CTPS2: variants seen among roughly 807,000 people sequenced by gnomAD.
CTPS2 encodes CTP synthase 2, also known as CTP synthase II.
A neutral mutation model predicts 46.8 loss-of-function variants in CTPS2; 19 were observed. The ratio of observed to expected loss-of-function variants is 0.41; its 90% confidence interval spans 0.28 to 0.60. The LOEUF (loss-of-function observed/expected upper bound fraction) is 0.60, where lower values mean the gene tolerates loss of function less well. Ranked by LOEUF, CTPS2 falls within the 20% of genes least tolerant of loss-of-function variation. The probability of loss-of-function intolerance (pLI) is 0.35; values close to 1 mark genes in which losing one functional copy is unlikely to be tolerated. For missense variants in CTPS2, 286 were observed against 447.6 expected (o/e 0.64, Z 3.26); for synonymous variants, 151 against 165.2 (o/e 0.91, Z 0.66).
intron 15 of CTPS2, among the ~76,000 whole-genome samples, chrX:16,617,647 CA>C (rs1853165680): frequency 8.9e-6 from 1 of 112,238 alleles, no homozygotes; most frequent in South Asian, 3.7e-4. Flanking sequence ...TGACTAACCC[CA>C]ATGCTTTCTT....
intron 10 of CTPS2, among the ~76,000 whole-genome samples, chrX:16,674,721 C>T (rs922719136): frequency 1.9e-5 from 2 of 106,901 alleles, no homozygotes; most frequent in African/African-American, 6.9e-5. Context: ...GCCTGTAGTC[C>T]CAGCTACTCG....
chrX:16,674,715 G>A (rs1432881206), intron 10 of CTPS2, among the ~76,000 whole-genome samples: 4 of 106,976 alleles, frequency 3.7e-5, no homozygotes, highest in African/African-American at 1.0e-4. Context: ...GCAGGCGCCT[G>A]TAGTCCCAGC....
Position 16,691,602 on chromosome X carries a change from T to C in CTPS2, c.658A>G (p.Thr220Ala), listed in dbSNP as rs1205396001. ...SPDLIVCRSS[T>A]PIEMAVKEKI... ...TCCTTCACGGCCATCTCAATGGGCG[T>C]TGAACTTCGGCAGACAATCTGTCAA... Residue 220 changes from threonine to alanine, a missense_variant, in exon 7 of 19, where the codon ACG (threonine) becomes GCG (alanine). By Grantham distance (58) the Thr-to-Ala change is moderately conservative. Transcript: ENST00000359276. 2 of 1,210,154 alleles carry C rather than the reference T, an allele frequency of 1.7e-6. No individual in the cohort carries two copies. Among genetic ancestry groups the C allele is most frequent in the South Asian group, 1.8e-5 (1 of 56,937 alleles).
intron 3 of CTPS2, 84 bp from the exon 4 acceptor site, chrX:16,698,420 G>A (rs1460691025): frequency 1.6e-6 from 1 of 608,598 alleles, no homozygotes; most frequent in Non-Finnish European, 2.6e-6. Flanking sequence ...TCACCTGAAA[G>A]TCACCTGGCA....
intron 17 of CTPS2, among the ~76,000 whole-genome samples, chrX:16,597,002 G>C (rs1432455727): frequency 9.3e-6 from 1 of 107,192 alleles, no homozygotes; most frequent in East Asian, 2.9e-4. Flanking sequence ...CTTTTGAGAA[G>C]TGTCTGTTCA....
chrX:16,660,000 T>C (rs993356831), intron 13 of CTPS2, among the ~76,000 whole-genome samples: 1 of 112,175 alleles, frequency 8.9e-6, no homozygotes, highest in Non-Finnish European at 1.9e-5. Context: ...TTGGCTACTA[T>C]GAATAATGCT....
chrX:16,622,409 C>CAA (rs112857824), intron 14 of CTPS2, among the ~76,000 whole-genome samples: 1 of 81,408 alleles, frequency 1.2e-5, no homozygotes, highest in East Asian at 3.6e-4. Context: ...GATGCTGTCT[C>CAA]AAAAAAAAAA....
intron 8 of CTPS2, among the ~76,000 whole-genome samples, chrX:16,687,122 T>C (rs1346974514): frequency 9.0e-6 from 1 of 110,634 alleles, no homozygotes; most frequent in Middle Eastern, 4.2e-3. Context: ...AAATTCCTGT[T>C]GTGTTTTTTT....
In CTPS2 at chrX:16,657,310, C is replaced by T. The variant is rs186977502; in HGVS notation, c.1296+10204G>A. ...ACTCTCCGAGGTGGGCAAAGGAACA[C>T]GTACCCATGCTCCCACCTCATCTAC... On this transcript the variant is annotated intron_variant, in intron 13 of 18. Coordinates refer to ENST00000359276, the MANE Select transcript of CTPS2 (RefSeq NM_175859.3). 1.2e-3 allele frequency among the ~76,000 whole-genome samples: 127 copies of T among 105,424 alleles called. 1 individual carries two copies. Among genetic ancestry groups the T allele is most frequent in the African/African-American group, 3.8e-3 (109 of 28,494 alleles). 91.5% of individuals were successfully genotyped at this position (105,424 alleles called of 115,157 possible).
At chrX:16,648,383 A>T (rs1394819416) in intron 13 of CTPS2, among the ~76,000 whole-genome samples, 1 of 112,004 alleles carries the variant, frequency 8.9e-6, no homozygotes, top group African/African-American at 3.2e-5. Context: ...AAGAGAAAGC[A>T]AATGTGGAGA....
intron 1 of CTPS2, among the ~76,000 whole-genome samples, chrX:16,708,748 C>T (rs1378741767): frequency 9.0e-6 from 1 of 111,437 alleles, no homozygotes; most frequent in African/African-American, 3.3e-5. Flanking sequence ...TCAAATGACT[C>T]TCTTTGTAAA....
intron 13 of CTPS2, among the ~76,000 whole-genome samples, chrX:16,650,580 C>T (rs1274109012): frequency 1.0e-5 from 1 of 96,575 alleles, no homozygotes. Flanking sequence ...GCAGTGGCAT[C>T]GCACTCACTG....
intron 8 of CTPS2, among the ~76,000 whole-genome samples, chrX:16,686,357 C>T (rs189386179): frequency 1.8e-5 from 2 of 111,589 alleles, no homozygotes; most frequent in East Asian, 5.6e-4. Flanking sequence ...ATATATACAC[C>T]TACTATGTAC....
intron 13 of CTPS2, among the ~76,000 whole-genome samples, chrX:16,653,001 T>C (rs1045356331): frequency 1.8e-5 from 2 of 111,564 alleles, no homozygotes; most frequent in Non-Finnish European, 3.8e-5. Context: ...TCCATAGAGA[T>C]GTGCTGCACA....
chrX:16,608,803 T>C (rs1436721448), intron 17 of CTPS2, among the ~76,000 whole-genome samples: 1 of 111,395 alleles, frequency 9.0e-6, no homozygotes, highest in Admixed American at 9.6e-5. Flanking sequence ...ACTCAACTCG[T>C]TGACAATTTG....
intron 11 of CTPS2, 52 bp downstream of exon 11, chrX:16,670,528 G>T: frequency 1.1e-6 from 1 of 945,389 alleles, no homozygotes; most frequent in Non-Finnish European, 1.5e-6. Flanking sequence ...CCCCTCCTAG[G>T]TGTCAAAAAT....
intron 1 of CTPS2, among the ~76,000 whole-genome samples, chrX:16,709,423 G>A (rs1925275553): frequency 1.0e-5 from 1 of 96,048 alleles, no homozygotes; most frequent in African/African-American, 4.0e-5. Context: ...GTAAAACCGT[G>A]TCTCAAAAAA....
chrX:16,622,699 G>GT (rs1283202873), intron 14 of CTPS2, among the ~76,000 whole-genome samples: 1 of 111,578 alleles, frequency 9.0e-6, no homozygotes, highest in African/African-American at 3.3e-5. Context: ...TCATGAGAAT[G>GT]TTTGAAACTG....
chrX:16,653,082 T>C (rs1932722516), intron 13 of CTPS2, among the ~76,000 whole-genome samples: 5 of 111,112 alleles, frequency 4.5e-5, no homozygotes, highest in Admixed American at 2.9e-4. Flanking sequence ...TTCAATGTTA[T>C]GTGTTTTTTA....
Sources: gnomAD v4.1 joint callset for allele counts (sites outside exome capture counted in the v4.1 genomes callset) on GRCh38, gnomAD v4.1.1 for gene constraint, MANE v1.5 for transcripts, NCBI Gene and HGNC (gene_info 2026-07-23, HGNC 2026-07-21) for gene names.